The following PTN variants were observed in gnomAD, a reference collection of about 807,000 sequenced individuals.
PTN encodes the protein pleiotrophin, also known as heparin affin regulatory protein.
A neutral mutation model predicts 24.1 loss-of-function variants in PTN; 18 were observed. The ratio of observed to expected loss-of-function variants is 0.75; its 90% CI spans 0.52 to 1.11. The LOEUF (loss-of-function observed/expected upper bound fraction) is 1.11, where lower values mean the gene tolerates loss of function less well. Ranked by LOEUF, PTN falls within the 50% of genes least tolerant of loss-of-function variation. PTN has a pLI of 0.00. For synonymous variants in PTN, 78 were observed against 68.6 expected (o/e 1.14, Z -0.67); for missense variants, 163 against 198.8 (o/e 0.82, Z 1.08).
chr7:137,333,870 C>G (rs528060658), intron 1 of PTN, among the ~76,000 whole-genome samples: 1 of 152,144 alleles, frequency 6.6e-6, no homozygotes, highest in African/African-American at 2.4e-5. Context: ...CAGAACAGAG[C>G]CCTCAGAAAT....
chr7:137,308,831 T>C (rs1206755010), intron 1 of PTN, among the ~76,000 whole-genome samples: 5 of 152,192 alleles, frequency 3.3e-5, no homozygotes, highest in African/African-American at 1.2e-4. Context: ...CAGATAACCC[T>C]AAACTTACTT....
At chr7:137,251,160 ATGTGGGTTTT>A in intron 4 of PTN, 60 bp downstream of exon 4, 1 of 1,530,032 alleles carries the variant, frequency 6.5e-7, no homozygotes, top group Non-Finnish European at 9.0e-7. Flanking sequence ...CTTCTGGAAA[ATGTGGGTTTT>A]CCAGATCTTA....
chr7:137,255,623 G>A (rs890707929), intron 1 of PTN, among the ~76,000 whole-genome samples: 8 of 152,090 alleles, frequency 5.3e-5, no homozygotes, highest in Admixed American at 2.6e-4. Context: ...TGATAAATTC[G>A]CATGTGCTAA....
chr7:137,316,389 T>C (rs1810072745), intron 1 of PTN, among the ~76,000 whole-genome samples: 1 of 152,160 alleles, frequency 6.6e-6, no homozygotes, highest in Non-Finnish European at 1.5e-5. Flanking sequence ...CTTGAGGGCA[T>C]CGTCCATATT....
At chr7:137,251,498 G>T in intron 3 of PTN, 107 bp from the exon 4 acceptor site, 2 of 1,232,442 alleles carry the variant, frequency 1.6e-6, no homozygotes, top group Non-Finnish European at 2.3e-6. Flanking sequence ...AATAATTATA[G>T]ATCCATATGC....
chr7:137,242,628 C>T (rs962163231), intron 4 of PTN, among the ~76,000 whole-genome samples: 1 of 152,182 alleles, frequency 6.6e-6, no homozygotes, highest in Non-Finnish European at 1.5e-5. Flanking sequence ...GAACAATAAC[C>T]CAAGATACTA....
intron 1 of PTN, among the ~76,000 whole-genome samples, chr7:137,267,794 C>T (rs745369243): frequency 1.3e-5 from 2 of 152,026 alleles, no homozygotes; most frequent in Non-Finnish European, 2.9e-5. Context: ...AAACCAAAAT[C>T]GGAGTATCAG....
At chr7:137,307,668 T>C (rs111877957) in intron 1 of PTN, among the ~76,000 whole-genome samples, 2,639 of 152,262 alleles carry the variant, frequency 0.017, 72 homozygotes, top group African/African-American at 0.054. Flanking sequence ...ATATATTTAA[T>C]GTGAGTAATC....
intron 1 of PTN, among the ~76,000 whole-genome samples, chr7:137,263,073 G>T (rs955601835): frequency 2.6e-5 from 4 of 152,114 alleles, no homozygotes; most frequent in Non-Finnish European, 5.9e-5. Context: ...ATCTTCTTGT[G>T]CAATAGATTG....
chr7:137,260,570 G>A (rs949758183), intron 1 of PTN, among the ~76,000 whole-genome samples: 1 of 151,756 alleles, frequency 6.6e-6, no homozygotes, highest in Non-Finnish European at 1.5e-5. Context: ...TACTATACAG[G>A]ATTACCCTCC....
At chr7:137,264,864 G>A (rs536719528) in intron 1 of PTN, among the ~76,000 whole-genome samples, 1 of 152,264 alleles carries the variant, frequency 6.6e-6, no homozygotes, top group Admixed American at 6.5e-5. Flanking sequence ...TTGCTGCCAG[G>A]GACCTTAGAC....
intron 1 of PTN, among the ~76,000 whole-genome samples, chr7:137,272,932 A>T (rs942301830): frequency 6.6e-6 from 1 of 152,232 alleles, no homozygotes; most frequent in Non-Finnish European, 1.5e-5. Context: ...TTGAGGTCCT[A>T]TTAGAATAAC....
At chr7:137,293,634 T>C (rs145376072) in intron 1 of PTN, among the ~76,000 whole-genome samples, 10 of 152,228 alleles carry the variant, frequency 6.6e-5, no homozygotes, top group African/African-American at 2.2e-4. Flanking sequence ...ACTGTATTTC[T>C]AGCACAGTTT....
intron 1 of PTN, among the ~76,000 whole-genome samples, chr7:137,335,203 A>T (rs1162375653): frequency 6.6e-6 from 1 of 152,046 alleles, no homozygotes; most frequent in Non-Finnish European, 1.5e-5. Flanking sequence ...TAATAATAAA[A>T]AAAAAAGAAT....
chr7:137,290,067 G>A (rs933541273), intron 1 of PTN, among the ~76,000 whole-genome samples: 2 of 152,172 alleles, frequency 1.3e-5, no homozygotes, highest in Admixed American at 1.3e-4. Context: ...CATCATCATG[G>A]TGGAAGGCAA....
rs117590518 is a variant in PTN at position 137,260,404 on chromosome 7, C to A, written c.-1-5430G>T. ...ATGTGAGAAGGCTTTACATGTTTCC[C>A]ATCCCAATGACAGTCTCATCCCTCC... is the stretch of plus-strand genomic sequence containing the variant. On this transcript the variant is annotated intron_variant, in intron 1 of 4. Transcript: ENST00000348225. 6.8e-3 allele frequency among the ~76,000 whole-genome samples: 1,029 copies of A among 152,204 alleles called. 5 individuals are homozygous for A. The highest frequency in any genetic ancestry group is 0.01 in the Non-Finnish European group (681 of 67,988).
chr7:137,251,978 T>A (rs1432764725), intron 3 of PTN, among the ~76,000 whole-genome samples: 1 of 151,866 alleles, frequency 6.6e-6, no homozygotes, highest in East Asian at 1.9e-4. Flanking sequence ...TTACTACAAA[T>A]AGAACTGCTA....
At chr7:137,261,092 A>G (rs1483481226) in intron 1 of PTN, among the ~76,000 whole-genome samples, 1 of 151,840 alleles carries the variant, frequency 6.6e-6, no homozygotes, top group Non-Finnish European at 1.5e-5. Flanking sequence ...TCTTTTTTTA[A>G]TGTTATTATA....
intron 4 of PTN, among the ~76,000 whole-genome samples, chr7:137,246,800 A>C (rs575641726): frequency 1.3e-5 from 2 of 152,210 alleles, no homozygotes; most frequent in Non-Finnish European, 2.9e-5. Context: ...ACCAAGAAGG[A>C]GCATCGTGCA....
Sources: allele counts gnomAD v4.1 joint callset (sites outside exome capture counted in the v4.1 genomes callset), GRCh38; gene constraint gnomAD v4.1.1; transcripts MANE v1.5; gene names NCBI Gene and HGNC (gene_info 2026-07-23, HGNC 2026-07-21).